FHIT: variants seen among roughly 807,000 people sequenced by gnomAD.
FHIT encodes the protein bis(5'-adenosyl)-triphosphatase.
Under a neutral mutation model 17.9 loss-of-function variants are expected in FHIT, and 19 were observed. The ratio of observed to expected loss-of-function variants is 1.06; its 90% CI spans 0.74 to 1.56. The LOEUF is 1.56. FHIT is among the 40% of genes most tolerant of loss of function. The probability of loss-of-function intolerance (pLI) is 0.00; values close to 1 mark genes in which losing one functional copy is unlikely to be tolerated. For missense variants in FHIT, 248 were observed against 189.2 expected (o/e 1.31, Z -1.82); for synonymous variants, 81 against 69.7 (o/e 1.16, Z -0.81).
chr3:60,096,147 C>T (rs968761787), intron 5 of FHIT, among the ~76,000 whole-genome samples: 23 of 152,284 alleles, frequency 1.5e-4, no homozygotes, highest in Admixed American at 1.1e-3. Flanking sequence ...CCGCTCAGGC[C>T]GAGTCTGACT....
chr3:61,120,581 A>T (rs1023929256), intron 2 of FHIT, among the ~76,000 whole-genome samples: 3 of 152,160 alleles, frequency 2.0e-5, no homozygotes, highest in African/African-American at 7.2e-5. Context: ...GTTTACAGAA[A>T]TGCCTTTAGA....
intron 8 of FHIT, among the ~76,000 whole-genome samples, chr3:59,754,147 A>G (rs1701074801): frequency 6.6e-6 from 1 of 152,100 alleles, no homozygotes; most frequent in Admixed American, 6.5e-5. Flanking sequence ...ATTGATACAG[A>G]AGGCAAAACA....
chr3:60,904,937 T>TAAA (rs34683848), intron 3 of FHIT, among the ~76,000 whole-genome samples: 1 of 132,422 alleles, frequency 7.6e-6, no homozygotes, highest in South Asian at 2.5e-4. Context: ...AGACTTGGTC[T>TAAA]AAAAAAAAAA....
intron 3 of FHIT, among the ~76,000 whole-genome samples, chr3:60,840,101 T>C (rs1247072862): frequency 6.6e-6 from 1 of 151,940 alleles, no homozygotes; most frequent in African/African-American, 2.4e-5. Context: ...CTAAAGGCCT[T>C]GAAAGAAATG....
intron 5 of FHIT, among the ~76,000 whole-genome samples, chr3:60,452,213 C>T (rs2031795259): frequency 6.6e-6 from 1 of 152,114 alleles, no homozygotes; most frequent in Non-Finnish European, 1.5e-5. Context: ...GCAATAGCAG[C>T]CACACTCAAT....
intron 2 of FHIT, among the ~76,000 whole-genome samples, chr3:61,060,317 C>A (rs1269895577): frequency 6.6e-6 from 1 of 152,110 alleles, no homozygotes; most frequent in Non-Finnish European, 1.5e-5. Flanking sequence ...TGTTGCTTTG[C>A]TTTATGTCCC....
chr3:60,321,391 G>C (rs1469303568), intron 5 of FHIT, among the ~76,000 whole-genome samples: 2 of 152,260 alleles, frequency 1.3e-5, no homozygotes, highest in South Asian at 2.1e-4. Flanking sequence ...CAGGAGTATT[G>C]TTTGAACTCC....
At chr3:60,699,438 T>G (rs9812327) in intron 4 of FHIT, among the ~76,000 whole-genome samples, 2,859 of 152,286 alleles carry the variant, frequency 0.019, 109 homozygotes, top group African/African-American at 0.065. Context: ...AATGTCATTA[T>G]TGCTCTAATT....
chr3:60,710,096 C>T (rs1044077825), intron 4 of FHIT, among the ~76,000 whole-genome samples: 6 of 133,306 alleles, frequency 4.5e-5, no homozygotes, highest in Non-Finnish European at 9.8e-5. Context: ...AAAAAAAAAA[C>T]TCAACAATCA....
At chr3:61,116,790 T>C (rs2036311617) in intron 2 of FHIT, among the ~76,000 whole-genome samples, 1 of 152,188 alleles carries the variant, frequency 6.6e-6, no homozygotes, top group African/African-American at 2.4e-5. Context: ...CAAACTCATC[T>C]TACTACTCTT....
chr3:60,332,373 T>A (rs1477623143), intron 5 of FHIT, among the ~76,000 whole-genome samples: 2 of 152,144 alleles, frequency 1.3e-5, no homozygotes, highest in African/African-American at 4.8e-5. Context: ...GGCTATAGAG[T>A]ATCTGCTCAG....
intron 5 of FHIT, among the ~76,000 whole-genome samples, chr3:60,301,238 G>A (rs1220082082): frequency 6.6e-6 from 1 of 152,096 alleles, no homozygotes; most frequent in East Asian, 1.9e-4. Context: ...TATGTGACAT[G>A]TCATATTGGC....
At position 59,752,216 on chromosome 3, in the gene FHIT, T is replaced by G. The variant is rs1290283984; in HGVS notation, c.*5+5A>C. 1 of 1,604,330 alleles carries G rather than the reference T, an allele frequency of 6.2e-7. No individual in the cohort carries two copies. The highest frequency in any genetic ancestry group is 1.7e-5 in the Admixed American group (1 of 59,822). ...GTCTGGGTAATGACGAAATGCAGTC[T>G]TTACCTGTGTCACTGAAAGTAGACC... On this transcript the variant is annotated splice_donor_5th_base_variant and intron_variant, in intron 9 of 9. Transcript: ENST00000492590.
At chr3:60,867,222 A>C (rs1197231864) in intron 3 of FHIT, among the ~76,000 whole-genome samples, 1 of 151,992 alleles carries the variant, frequency 6.6e-6, no homozygotes, top group Non-Finnish European at 1.5e-5. Flanking sequence ...AGGTTTACCC[A>C]TAAACTACAT....
At chr3:59,755,459 G>A (rs980640443) in intron 8 of FHIT, among the ~76,000 whole-genome samples, 61 of 152,192 alleles carry the variant, frequency 4.0e-4, no homozygotes, top group Admixed American at 5.9e-4. Flanking sequence ...CCTGGCTAAC[G>A]GAGAGAAAGC....
intron 4 of FHIT, among the ~76,000 whole-genome samples, chr3:60,565,082 C>A (rs1008170104): frequency 6.6e-6 from 1 of 152,098 alleles, no homozygotes; most frequent in Non-Finnish European, 1.5e-5. Flanking sequence ...GAGGCAAGAC[C>A]TTCCCATTTT....
At chr3:60,165,590 G>T (rs1454628339) in intron 5 of FHIT, among the ~76,000 whole-genome samples, 1 of 152,012 alleles carries the variant, frequency 6.6e-6, no homozygotes, top group Non-Finnish European at 1.5e-5. Context: ...AGCCTGTCAG[G>T]GATACAAAAT....
intron 1 of FHIT, among the ~76,000 whole-genome samples, chr3:61,227,153 C>G (rs1400645652): frequency 6.6e-6 from 1 of 152,104 alleles, no homozygotes; most frequent in African/African-American, 2.4e-5. Flanking sequence ...GACTTTTCTC[C>G]TCAGAATGTT....
At chr3:60,493,248 GT>G (rs2034142725) in intron 5 of FHIT, among the ~76,000 whole-genome samples, 3 of 152,270 alleles carry the variant, frequency 2.0e-5, no homozygotes, top group South Asian at 4.1e-4. Flanking sequence ...TGAGTTTTAA[GT>G]TTAAAATACA....
Sources: allele counts gnomAD v4.1 joint callset (sites outside exome capture counted in the v4.1 genomes callset), GRCh38; gene constraint gnomAD v4.1.1; transcripts MANE v1.5; gene names NCBI Gene and HGNC (gene_info 2026-07-23, HGNC 2026-07-21).